The following RAPGEF4 variants were observed in gnomAD, a reference collection of about 807,000 sequenced individuals.
RAPGEF4 encodes the protein RAP guanine-nucleotide-exchange factor (GEF) 4.
A neutral mutation model predicts 147.9 loss-of-function variants in RAPGEF4; 66 were observed. That is an observed-to-expected ratio of 0.45 (90% CI 0.37 to 0.55). The LOEUF is 0.55. Ranked by LOEUF, RAPGEF4 falls within the 20% of genes least tolerant of loss-of-function variation. The pLI is 0.00. For synonymous variants in RAPGEF4, 419 were observed against 442.7 expected (o/e 0.95, Z 0.67); for missense variants, 1,071 against 1,257.3 (o/e 0.85, Z 2.24).
chr2:173,004,008 A>T (rs1038061618), intron 17 of RAPGEF4, among the ~76,000 whole-genome samples: 5 of 152,256 alleles, frequency 3.3e-5, no homozygotes, highest in Non-Finnish European at 5.9e-5. Context: ...CCCTATGAAG[A>T]AGTCAGTATT....
intron 4 of RAPGEF4, among the ~76,000 whole-genome samples, chr2:172,833,887 A>C (rs1248992361): frequency 6.6e-6 from 1 of 152,206 alleles, no homozygotes; most frequent in Non-Finnish European, 1.5e-5. Flanking sequence ...TATTGAAGCA[A>C]AACTTTTAAA....
intron 4 of RAPGEF4, among the ~76,000 whole-genome samples, chr2:172,911,142 C>T (rs767757607): frequency 6.6e-5 from 10 of 152,142 alleles, no homozygotes; most frequent in Non-Finnish European, 1.2e-4. Context: ...GTCCAGGATC[C>T]CATCAGCTAA....
chr2:172,835,709 A>G (rs1690850485), intron 4 of RAPGEF4, among the ~76,000 whole-genome samples: 1 of 152,352 alleles, frequency 6.6e-6, no homozygotes, highest in African/African-American at 2.4e-5. Flanking sequence ...GATACTTATG[A>G]TAATAAAATT....
chr2:172,793,116 C>T (rs1293084725), intron 1 of RAPGEF4, among the ~76,000 whole-genome samples: 1 of 152,180 alleles, frequency 6.6e-6, no homozygotes. Flanking sequence ...CAATCTTCGG[C>T]ATTCCTTGCT....
chr2:173,027,252 G>C lies in RAPGEF4; in HGVS notation c.2551G>C (p.Ala851Pro). The C allele has an allele frequency of 1.3e-6, 2 of 1,589,622 alleles. No individual in the cohort carries two copies. Among genetic ancestry groups the C allele is most frequent in the Non-Finnish European group, 1.7e-6 (2 of 1,172,816 alleles). ...GCTATTAAAAAAATTTATTAAGATA[G>C]CAGCCCAGTAAGTATATTTAGCTTG... ...VQLLKKFIKI[A>P]AHCKEYKNLN... is the part of the protein sequence containing the mutation. Residue 851 changes from alanine to proline, a missense_variant, in exon 25 of 31, where the codon GCA (alanine) becomes CCA (proline). Physicochemically the swap from Ala to Pro is conservative, Grantham distance 27. Coordinates refer to ENST00000397081, the MANE Select transcript of RAPGEF4 (RefSeq NM_007023.4).
chr2:172,979,846 G>A (rs1421345643), intron 10 of RAPGEF4, among the ~76,000 whole-genome samples: 6 of 152,154 alleles, frequency 3.9e-5, no homozygotes, highest in South Asian at 2.1e-4. Flanking sequence ...GTGAAAACCC[G>A]TCTCTACCAA....
chr2:172,808,323 T>C (rs1441448350), intron 3 of RAPGEF4, among the ~76,000 whole-genome samples: 1 of 152,210 alleles, frequency 6.6e-6, no homozygotes, highest in Non-Finnish European at 1.5e-5. Context: ...AAAAGGATTC[T>C]TTGATTTACA....
At position 172,817,001 on chromosome 2, in the gene RAPGEF4, A is replaced by G. The variant is rs568398164; in HGVS notation, c.444+2576A>G. Among the ~76,000 whole-genome samples the G allele has an allele frequency of 1.2e-4, 18 of 152,360 alleles. No individual in the cohort carries two copies. The South Asian group carries it at 1.5e-3, about 12-fold the overall frequency. On this transcript the variant is annotated intron_variant, in intron 4 of 30. Coordinates refer to ENST00000397081, the MANE Select transcript of RAPGEF4 (RefSeq NM_007023.4). ...TAATCAGGACTTCATTAATGGGCACACTTGTGCACATGCAGTACATGATAA... is the reference window on the plus strand; with the variant it reads ...TAATCAGGACTTCATTAATGGGCACGCTTGTGCACATGCAGTACATGATAA...
At chr2:172,838,875 A>G (rs1691262369) in intron 4 of RAPGEF4, among the ~76,000 whole-genome samples, 1 of 152,088 alleles carries the variant, frequency 6.6e-6, no homozygotes, top group African/African-American at 2.4e-5. Context: ...TATTTATTTG[A>G]ACCATATGTT....
chr2:173,021,562 T>C (rs1192390124), intron 23 of RAPGEF4, among the ~76,000 whole-genome samples: 1 of 152,038 alleles, frequency 6.6e-6, no homozygotes. Flanking sequence ...CACTCCAGCC[T>C]GGGCAACAGA....
At chr2:173,049,113 G>C (rs1460991334) in intron 30 of RAPGEF4, among the ~76,000 whole-genome samples, 1 of 152,088 alleles carries the variant, frequency 6.6e-6, no homozygotes, top group Non-Finnish European at 1.5e-5. Context: ...AATGTTTATA[G>C]CACATTCGTA....
At chr2:172,963,837 C>CAG (rs1189468348) in intron 8 of RAPGEF4, among the ~76,000 whole-genome samples, 1 of 152,152 alleles carries the variant, frequency 6.6e-6, no homozygotes, top group Admixed American at 6.5e-5. Flanking sequence ...GCATAACCCC[C>CAG]CAAAATAACT....
intron 16 of RAPGEF4, among the ~76,000 whole-genome samples, chr2:172,999,167 A>G (rs1693658048): frequency 6.6e-6 from 1 of 152,128 alleles, no homozygotes; most frequent in African/African-American, 2.4e-5. Context: ...GTGATTCTTG[A>G]CCCTTCCATT....
chr2:173,012,184 G>T (rs1247206807), intron 17 of RAPGEF4, among the ~76,000 whole-genome samples: 1 of 152,206 alleles, frequency 6.6e-6, no homozygotes, highest in African/African-American at 2.4e-5. Context: ...CTTAGACTTA[G>T]AAGAGGGACT....
intron 6 of RAPGEF4, among the ~76,000 whole-genome samples, chr2:172,922,621 GCATATA>G (rs1684883390): frequency 6.6e-6 from 1 of 152,176 alleles, no homozygotes. Flanking sequence ...TAGCCTAATA[GCATATA>G]GAAAACTAGT....
intron 6 of RAPGEF4, among the ~76,000 whole-genome samples, chr2:172,935,169 C>G (rs973646016): frequency 6.6e-6 from 1 of 151,978 alleles, no homozygotes; most frequent in Admixed American, 6.5e-5. Flanking sequence ...AGAGCCAGAC[C>G]CTGTCTCAAA....
At chr2:173,012,249 T>A (rs1039962250) in intron 17 of RAPGEF4, among the ~76,000 whole-genome samples, 9 of 152,180 alleles carry the variant, frequency 5.9e-5, no homozygotes, top group African/African-American at 2.2e-4. Flanking sequence ...TGGTCCATAG[T>A]GGCATCAGGA....
intron 17 of RAPGEF4, among the ~76,000 whole-genome samples, chr2:173,006,562 C>A (rs1694499042): frequency 2.0e-5 from 3 of 152,104 alleles, no homozygotes; most frequent in African/African-American, 2.4e-5. Flanking sequence ...CTAAATCCAC[C>A]TTTTCTGTGT....
At chr2:172,986,689 TC>T (rs978368564) in intron 12 of RAPGEF4, among the ~76,000 whole-genome samples, 4 of 148,792 alleles carry the variant, frequency 2.7e-5, no homozygotes, top group Non-Finnish European at 5.9e-5. Context: ...GCCATTTTTT[TC>T]ATATTTTCTT....
Sources: gnomAD v4.1 joint callset for allele counts (sites outside exome capture counted in the v4.1 genomes callset) on GRCh38, gnomAD v4.1.1 for gene constraint, MANE v1.5 for transcripts, NCBI Gene and HGNC (gene_info 2026-07-23, HGNC 2026-07-21) for gene names.